The following SYT3 variants were observed in gnomAD, a reference collection of about 807,000 sequenced individuals.
SYT3 encodes the protein synaptotagmin-3.
SYT3 carries 25 observed loss-of-function variants against 50.6 expected under a neutral mutation model. That is an observed-to-expected ratio of 0.49 (90% CI 0.36 to 0.69). The LOEUF is 0.69. SYT3 is among the 30% of genes least tolerant of loss of function. The pLI is 0.00. For synonymous variants in SYT3, 323 were observed against 353.9 expected (o/e 0.91, Z 0.98); for missense variants, 589 against 793.6 (o/e 0.74, Z 3.10).
chr19:50,647,627 G>A, the SYT3 span, among the ~76,000 whole-genome samples: 3 of 152,022 alleles, frequency 2.0e-5, no homozygotes, highest in Non-Finnish European at 4.4e-5. Flanking sequence ...CTGTTATACC[G>A]CTGCACTCCA....
At position 50,632,875 on chromosome 19, in the gene SYT3, T is replaced by A. The variant is rs1341571227; in HGVS notation, c.149-64A>T. On this transcript the variant is annotated intron_variant, in intron 3 of 10. Transcript: ENST00000600079. The surrounding 1 kb of genome is among the most constrained non-coding windows in gnomAD (Gnocchi z 4.7). ...GTCACAGTACATCCTCCCTCTGCTGTCCCCAAAGAGTTAACCCTTCATATT... is the reference window on the plus strand; with the variant it reads ...GTCACAGTACATCCTCCCTCTGCTGACCCCAAAGAGTTAACCCTTCATATT... 6 of 1,350,686 alleles carry A rather than the reference T, an allele frequency of 4.4e-6. No individual in the cohort carries two copies. The highest frequency in any genetic ancestry group is 5.8e-6 in the Non-Finnish European group (6 of 1,026,744). 83.7% of individuals were successfully genotyped at this position (1,350,686 alleles called of 1,614,324 possible).
chr19:50,653,648 A>G, the SYT3 span, among the ~76,000 whole-genome samples: 1 of 150,876 alleles, frequency 6.6e-6, no homozygotes, highest in Non-Finnish European at 1.5e-5. Context: ...AGTTAAACCA[A>G]GTTGAATGTG....
At chr19:50,656,401 G>T in the SYT3 span, 4 of 1,493,808 alleles carry the variant, frequency 2.7e-6, no homozygotes, top group Non-Finnish European at 3.6e-6. Flanking sequence ...TGATGGGAAG[G>T]GCACAGGCTG....
intron 2 of SYT3, among the ~76,000 whole-genome samples, chr19:50,638,516 G>A (rs139059221): frequency 8.6e-5 from 13 of 152,042 alleles, no homozygotes; most frequent in African/African-American, 2.9e-4. Flanking sequence ...CTGAGGCTCC[G>A]AAGAGATGGA....
chr19:50,625,214 T>C lies in SYT3; in HGVS notation c.1655A>G (p.Glu552Gly), dbSNP rs1983999927. Residue 552 changes from glutamate (E) to glycine (G), a missense_variant, in exon 9 of 11, where the codon GAG (glutamate) becomes GGG (glycine). Physicochemically the swap from Glu to Gly is moderately conservative, Grantham distance 98. Transcript: ENST00000600079. This position sits in a 1 kb window ranked among gnomAD's most constrained non-coding sequence, Gnocchi z 7.5. ...ADPHGREHWAEMLANPRKPVE... is the reference protein window; with the variant it reads ...ADPHGREHWAGMLANPRKPVE... ...GGGCTTGCGGGGATTGGCCAGCATC[T>C]CTGCCCAGTGCTCGCGGCCGTGCGG... 1.7e-5 allele frequency: 28 copies of C among 1,600,666 alleles called. No homozygotes were observed. Among genetic ancestry groups the C allele is most frequent in the Admixed American group, 8.5e-5 (5 of 59,164 alleles).
At chr19:50,652,550 G>A in the SYT3 span, among the ~76,000 whole-genome samples, 87 of 152,344 alleles carry the variant, frequency 5.7e-4, no homozygotes, top group African/African-American at 2.0e-3. Context: ...CCAAGATCCT[G>A]CAGCAGGAGG....
At chr19:50,626,085 C>T (rs773475825) in intron 6 of SYT3, 68 bp from the exon 7 acceptor site, 1 of 1,552,656 alleles carries the variant, frequency 6.4e-7, no homozygotes, top group Admixed American at 1.9e-5. Context: ...GATTTTCTCT[C>T]CGGTCGGAGC....
chr19:50,658,099 C>T, the SYT3 span: 12 of 1,535,600 alleles, frequency 7.8e-6, no homozygotes, highest in Admixed American at 2.0e-5. Context: ...ACATGAACGT[C>T]ATCTGTGGGA....
At chr19:50,640,294 T>C (rs1223545770), upstream of SYT3, among the ~76,000 whole-genome samples, 1 of 152,214 alleles carries the variant, frequency 6.6e-6, no homozygotes, top group Non-Finnish European at 1.5e-5. Context: ...AACTCCTGCC[T>C]GTGTGCGCCT....
chr19:50,646,980 G>A, the SYT3 span, among the ~76,000 whole-genome samples: 10 of 152,060 alleles, frequency 6.6e-5, no homozygotes, highest in East Asian at 1.2e-3. Flanking sequence ...ACAGGTGCCC[G>A]CCACCACACC....
chr19:50,626,005 G>A lies in SYT3; in HGVS notation c.1294C>T (p.Leu432Phe), dbSNP rs1984043614. The change falls in exon 7 of 11, where the codon CTT becomes TTT. Residue 432 changes from leucine (L) to phenylalanine (F), a missense_variant. By Grantham distance (22) the Leu-to-Phe change is conservative. Transcript: ENST00000600079. ...IVEGGSEKADLGELNFSLCYL... is the reference protein window; with the variant it reads ...IVEGGSEKADFGELNFSLCYL... ...CAGAGTGAGAAGTTGAGCTCCCCAAGATCTGCTTTTTCCTGCAGTTGGGGA... is the reference window on the plus strand; with the variant it reads ...CAGAGTGAGAAGTTGAGCTCCCCAAAATCTGCTTTTTCCTGCAGTTGGGGA... The A allele has an allele frequency of 1.2e-5, 19 of 1,613,880 alleles. No homozygotes were observed. Among genetic ancestry groups the A allele is most frequent in the Non-Finnish European group, 1.6e-5 (19 of 1,179,902 alleles).
At chr19:50,644,359 G>T (rs1169369451), upstream of SYT3, among the ~76,000 whole-genome samples, 1 of 152,084 alleles carries the variant, frequency 6.6e-6, no homozygotes, top group African/African-American at 2.4e-5. Context: ...TGAAAGAGTG[G>T]ATGGTTGGGT....
chr19:50,633,966 G>T (rs1264063703), intron 3 of SYT3, among the ~76,000 whole-genome samples: 1 of 152,166 alleles, frequency 6.6e-6, no homozygotes, highest in African/African-American at 2.4e-5. Flanking sequence ...CCCAATAAAT[G>T]GTAGTTCAAA....
At chr19:50,657,049 T>C in the SYT3 span, among the ~76,000 whole-genome samples, 1 of 150,150 alleles carries the variant, frequency 6.7e-6, no homozygotes, top group Admixed American at 6.6e-5. Flanking sequence ...AAGAAAGAGG[T>C]CATGTTTTTG....
At chr19:50,649,607 G>A in the SYT3 span, 2 of 1,334,092 alleles carry the variant, frequency 1.5e-6, no homozygotes, top group East Asian at 2.5e-5. Context: ...GCGAGTCACT[G>A]GCACTCCAAA....
At chr19:50,644,867 A>G (rs887178207), upstream of SYT3, among the ~76,000 whole-genome samples, 1 of 151,926 alleles carries the variant, frequency 6.6e-6, no homozygotes, top group Non-Finnish European at 1.5e-5. Flanking sequence ...GCAGGGATGG[A>G]TGATTGGATG....
the SYT3 span, among the ~76,000 whole-genome samples, chr19:50,650,747 A>C: frequency 6.6e-6 from 1 of 152,272 alleles, no homozygotes; most frequent in Non-Finnish European, 1.5e-5. Flanking sequence ...TCCTGGCTCA[A>C]GTGATCCTCC....
chr19:50,632,279 C>T lies in SYT3; in HGVS notation c.674+7G>A, dbSNP rs771869602. ...GAGTGGACCCCCAACCCAGTATCCT[C>T]TCTCACCTGGTAGTGGGTGCCAGGC... On this transcript the variant is annotated splice_region_variant and intron_variant, in intron 4 of 10. Coordinates refer to ENST00000600079, the MANE Select transcript of SYT3 (RefSeq NM_001160329.2). The surrounding 1 kb of genome is among the most constrained non-coding windows in gnomAD (Gnocchi z 4.7). 5 of 1,557,318 alleles carry T rather than the reference C, an allele frequency of 3.2e-6. No individual in the cohort carries two copies. Among genetic ancestry groups the T allele is most frequent in the Non-Finnish European group, 3.5e-6 (4 of 1,145,948 alleles).
At chr19:50,649,833 G>C in the SYT3 span, 1 of 503,224 alleles carries the variant, frequency 2.0e-6, no homozygotes. Context: ...CCTGAGCTCA[G>C]CATCTTCCCC....
Sources: allele counts gnomAD v4.1 joint callset (sites outside exome capture counted in the v4.1 genomes callset), GRCh38; gene constraint gnomAD v4.1.1; non-coding constraint Gnocchi (gnomAD v3.1); transcripts MANE v1.5; gene names NCBI Gene and HGNC (gene_info 2026-07-23, HGNC 2026-07-21).